The following SYNDIG1 variants were observed in gnomAD, a reference collection of about 807,000 sequenced individuals.
The protein encoded by SYNDIG1 is synapse differentiation inducing 1, also known as synapse differentiation-inducing gene protein 1.
In SYNDIG1, 9 loss-of-function variants were observed where a neutral mutation model predicts 19.4. The observed-to-expected ratio is 0.46, with a 90% CI of 0.28 to 0.81. SYNDIG1 has a LOEUF of 0.81. SYNDIG1 is among the 30% of genes least tolerant of loss of function. SYNDIG1 has a pLI of 0.12. For missense variants in SYNDIG1, 311 were observed against 343.3 expected (o/e 0.91, Z 0.74); for synonymous variants, 141 against 145.9 (o/e 0.97, Z 0.24).
rs560067578 is a variant in SYNDIG1, at chr20:24,543,448, G to A, written c.351G>A (p.Glu117=). 2.5e-4 allele frequency: 407 copies of A among 1,613,626 alleles called. No homozygotes were observed. The highest frequency in any genetic ancestry group is 3.3e-4 in the Non-Finnish European group (393 of 1,180,032). The change falls in exon 2 of 4, where the codon GAG becomes GAA. Residue 117 remains glutamate, a synonymous_variant. Transcript: ENST00000376862. ...AADCCETTFI[E]DRSPTKDSLE... is the part of the protein sequence containing the mutation. ...ACTGCTGCGAGACCACCTTCATCGA[G>A]GACCGGTCGCCCACCAAAGACAGCC...
At chr20:24,564,756 T>G (rs1178817755) in intron 2 of SYNDIG1, among the ~76,000 whole-genome samples, 2 of 143,336 alleles carry the variant, frequency 1.4e-5, no homozygotes, top group Non-Finnish European at 3.1e-5. Flanking sequence ...GCCCCCACTG[T>G]GCAAAGTGTG....
In SYNDIG1 at chr20:24,584,913, G is replaced by A. The variant is rs1308562512; in HGVS notation, c.538G>A (p.Asp180Asn). 3 of 1,614,064 alleles carry A rather than the reference G, an allele frequency of 1.9e-6. No individual in the cohort carries two copies. The highest frequency in any genetic ancestry group is 8.5e-7 in the Non-Finnish European group (1 of 1,180,014). Residue 180 changes from aspartate to asparagine, a missense_variant, in exon 3 of 4, where the codon GAC becomes AAC. Coordinates refer to ENST00000376862, the MANE Select transcript of SYNDIG1 (RefSeq NM_024893.3). ...CAATTTCCTCATGATGCCCCCGCGGGACCACCTGGGCCTCAGTGTCTTCTC... is the reference window on the plus strand; with the variant it reads ...CAATTTCCTCATGATGCCCCCGCGGAACCACCTGGGCCTCAGTGTCTTCTC... Reference protein sequence around the residue: ...EDNFLMMPPRDHLGLSVFSML... With the variant: ...EDNFLMMPPRNHLGLSVFSML...
intron 3 of SYNDIG1, among the ~76,000 whole-genome samples, chr20:24,591,743 C>T (rs73905125): frequency 6.6e-6 from 1 of 152,130 alleles, no homozygotes; most frequent in Non-Finnish European, 1.5e-5. Flanking sequence ...TATTAGGCTG[C>T]GAGAGTCATG....
chr20:24,553,744 G>A (rs999433608), intron 2 of SYNDIG1, among the ~76,000 whole-genome samples: 2 of 152,216 alleles, frequency 1.3e-5, no homozygotes, highest in Non-Finnish European at 2.9e-5. Flanking sequence ...CAGGTAGTGT[G>A]ATGCCTCCAG....
chr20:24,632,954 T>G (rs932180260), intron 3 of SYNDIG1, among the ~76,000 whole-genome samples: 1 of 151,858 alleles, frequency 6.6e-6, no homozygotes, highest in East Asian at 1.9e-4. Context: ...GAAGTTTGTT[T>G]TTTTTTTTTT....
chr20:24,637,491 A>C (rs1373746943), intron 3 of SYNDIG1, among the ~76,000 whole-genome samples: 1 of 152,188 alleles, frequency 6.6e-6, no homozygotes, highest in Non-Finnish European at 1.5e-5. Flanking sequence ...TAGCCACTGG[A>C]TCTTCTTCAT....
At chr20:24,582,429 TG>T (rs2058343896) in intron 2 of SYNDIG1, among the ~76,000 whole-genome samples, 1 of 126,292 alleles carries the variant, frequency 7.9e-6, no homozygotes. Flanking sequence ...TCCTTTACCC[TG>T]CACATCCTCA....
intron 1 of SYNDIG1, among the ~76,000 whole-genome samples, chr20:24,470,392 T>A (rs912318541): frequency 6.6e-6 from 1 of 152,218 alleles, no homozygotes; most frequent in Non-Finnish European, 1.5e-5. Flanking sequence ...TCCTGGAGCC[T>A]CTTTCCTCTA....
intron 2 of SYNDIG1, among the ~76,000 whole-genome samples, chr20:24,559,462 A>G (rs1017352744): frequency 1.8e-4 from 27 of 152,236 alleles, no homozygotes; most frequent in Admixed American, 1.7e-3. Flanking sequence ...AAAAGGAAAA[A>G]AGATCTATAA....
intron 3 of SYNDIG1, among the ~76,000 whole-genome samples, chr20:24,632,302 C>A (rs952694610): frequency 6.6e-6 from 1 of 152,076 alleles, no homozygotes; most frequent in South Asian, 2.1e-4. Context: ...TGCAGTGGTG[C>A]GATCACAACT....
chr20:24,660,131 G>A (rs1029395973), intron 3 of SYNDIG1, among the ~76,000 whole-genome samples: 2 of 152,106 alleles, frequency 1.3e-5, no homozygotes, highest in Non-Finnish European at 2.9e-5. Flanking sequence ...CCCTTCTATC[G>A]CTGGCACTCA....
intron 3 of SYNDIG1, among the ~76,000 whole-genome samples, chr20:24,648,124 T>C (rs377573794): frequency 2.6e-5 from 4 of 152,076 alleles, no homozygotes; most frequent in African/African-American, 9.7e-5. Context: ...TCTAATACCA[T>C]CTCATTGGAA....
At chr20:24,654,333 G>C (rs2059501549) in intron 3 of SYNDIG1, among the ~76,000 whole-genome samples, 1 of 152,102 alleles carries the variant, frequency 6.6e-6, no homozygotes. Context: ...GCAGGAAGTA[G>C]AAAGTGTCTT....
chr20:24,538,056 CT>C (rs2057396769), intron 1 of SYNDIG1, among the ~76,000 whole-genome samples: 1 of 152,036 alleles, frequency 6.6e-6, no homozygotes, highest in Non-Finnish European at 1.5e-5. Context: ...ATAGATAGCT[CT>C]TCTTTTTATG....
At chr20:24,556,404 T>C (rs1358013433) in intron 2 of SYNDIG1, among the ~76,000 whole-genome samples, 1 of 152,224 alleles carries the variant, frequency 6.6e-6, no homozygotes, top group Non-Finnish European at 1.5e-5. Flanking sequence ...CTAGCCTCGA[T>C]GGTCTTTACA....
At chr20:24,548,143 G>A (rs2057624099) in intron 2 of SYNDIG1, among the ~76,000 whole-genome samples, 1 of 152,176 alleles carries the variant, frequency 6.6e-6, no homozygotes, top group Admixed American at 6.5e-5. Context: ...TCCTACACGT[G>A]GAGAGACAGA....
chr20:24,557,945 CT>C (rs1308220806), intron 2 of SYNDIG1, among the ~76,000 whole-genome samples: 1 of 152,228 alleles, frequency 6.6e-6, no homozygotes, highest in Admixed American at 6.5e-5. Flanking sequence ...CGGAAGAGGG[CT>C]TTAATCAGGT....
At chr20:24,663,633 T>A (rs2059623180) in intron 3 of SYNDIG1, among the ~76,000 whole-genome samples, 1 of 152,186 alleles carries the variant, frequency 6.6e-6, no homozygotes. Flanking sequence ...GGAAGGCAAC[T>A]ATTCCGCAAG....
Position 24,563,636 on chromosome 20 carries a change from C to G in SYNDIG1, c.480+20059C>G, listed in dbSNP as rs528997717. Among the ~76,000 whole-genome samples the G allele has an allele frequency of 2.6e-5, 4 of 152,324 alleles. No individual in the cohort carries two copies. The South Asian group carries it at 8.3e-4, about 32-fold the overall frequency. On this transcript the variant is annotated intron_variant, in intron 2 of 3. Transcript: ENST00000376862. ...ATTTATTTAGAGATAGGGTCTTGCT[C>G]TGTCACCCAGGCTGGAGTGCAGTGG...
Sources: gnomAD v4.1 joint callset for allele counts (sites outside exome capture counted in the v4.1 genomes callset) on GRCh38, gnomAD v4.1.1 for gene constraint, MANE v1.5 for transcripts, NCBI Gene and HGNC (gene_info 2026-07-23, HGNC 2026-07-21) for gene names.